CADPS: variants seen among roughly 807,000 people sequenced by gnomAD.
The protein encoded by CADPS is calcium dependent secretion activator.
In CADPS, 57 loss-of-function variants were observed where a neutral mutation model predicts 167.3. The observed-to-expected ratio is 0.34, with a 90% confidence interval of 0.28 to 0.42. The LOEUF is 0.42. CADPS is among the 20% of genes least tolerant of loss of function. CADPS has a pLI of 1.00. For synonymous variants in CADPS, 676 were observed against 635.3 expected, an observed-to-expected ratio of 1.06 and a Z score of -0.96; for missense variants, 1,414 against 1,738.1, an observed-to-expected ratio of 0.81 and a Z score of 3.32.
At position 62,875,134 on chromosome 3, in the gene CADPS, C is replaced by T. The variant is rs1034855534; in HGVS notation, c.-105G>A. 5 of 1,307,974 alleles carry T rather than the reference C, an allele frequency of 3.8e-6. No individual in the cohort carries two copies. The highest frequency in any genetic ancestry group is 4.9e-6 in the Non-Finnish European group (5 of 1,016,094). The allele number at this position is 1,307,974 out of a possible 1,614,324, so 81.0% of individuals were successfully genotyped here. ...TCAGCTCTCCCGGGTGGGCGCTTCT[C>T]CCCAGGTCAGGGAGCGAGAGCGCTG... On this transcript the variant is annotated 5_prime_UTR_variant, in exon 1 of 30. Transcript: ENST00000383710.
Position 62,737,425 on chromosome 3 carries a change from A to C in CADPS, c.888+16016T>G, listed in dbSNP as rs370083381. On this transcript the variant is annotated intron_variant, in intron 3 of 29. Coordinates refer to ENST00000383710, the MANE Select transcript of CADPS (RefSeq NM_003716.4). The stretch of plus-strand genomic sequence containing the variant: ...AGAGGCTGCAGTGAGCTGAGATTGC[A>C]CCACTGTAATCTAGCCTGGGCAACA... Among the ~76,000 whole-genome samples the C allele has an allele frequency of 3.4e-4, 52 of 151,944 alleles. No homozygotes were observed. In the South Asian group the frequency reaches 0.011, roughly 31 times the overall value.
At chr3:62,631,024 TAA>T (rs2065169575) in intron 6 of CADPS, among the ~76,000 whole-genome samples, 1 of 152,114 alleles carries the variant, frequency 6.6e-6, no homozygotes, top group South Asian at 2.1e-4. Flanking sequence ...AGTTTATTTT[TAA>T]AAAGAGACAA....
chr3:62,812,981 T>C (rs935240872), intron 1 of CADPS, among the ~76,000 whole-genome samples: 1 of 152,058 alleles, frequency 6.6e-6, no homozygotes, highest in Admixed American at 6.6e-5. Flanking sequence ...TAAACACAAA[T>C]GGAAAAATAT....
chr3:62,453,278 A>T (rs948247727), intron 26 of CADPS, among the ~76,000 whole-genome samples: 1 of 152,150 alleles, frequency 6.6e-6, no homozygotes. Context: ...AAAAATTATG[A>T]ATGTTTCTGT....
chr3:62,872,443 C>T (rs1322591414), intron 1 of CADPS, among the ~76,000 whole-genome samples: 1 of 152,112 alleles, frequency 6.6e-6, no homozygotes, highest in African/African-American at 2.4e-5. Flanking sequence ...TTTAGCTTCC[C>T]AGTATAGCCA....
chr3:62,448,677 G>A (rs532513141), intron 26 of CADPS, among the ~76,000 whole-genome samples: 3 of 151,932 alleles, frequency 2.0e-5, no homozygotes, highest in Admixed American at 1.3e-4. Flanking sequence ...GCAGTGGCGC[G>A]ATCTCGGCCC....
intron 13 of CADPS, among the ~76,000 whole-genome samples, chr3:62,522,637 C>A (rs952063165): frequency 6.6e-6 from 1 of 152,112 alleles, no homozygotes; most frequent in Admixed American, 6.5e-5. Flanking sequence ...ATATTGAACT[C>A]GATATAAGTT....
At chr3:62,824,610 T>G (rs904299117) in intron 1 of CADPS, among the ~76,000 whole-genome samples, 2 of 152,022 alleles carry the variant, frequency 1.3e-5, no homozygotes, top group Admixed American at 6.6e-5. Context: ...CAAACAAAAA[T>G]CCACAGTGGT....
intron 28 of CADPS, among the ~76,000 whole-genome samples, chr3:62,417,058 C>T (rs559116678): frequency 1.3e-5 from 2 of 151,974 alleles, no homozygotes; most frequent in South Asian, 4.2e-4. Flanking sequence ...GCTAAGCATA[C>T]ATTTTTCTAG....
Position 62,412,245 on chromosome 3 carries a change from A to G in CADPS, c.3778-9060T>C, listed in dbSNP as rs564508104. ...GCTATCAGTGCTGTGGCTTTTCAGG[A>G]TGGCCGGGTCCTAAAGTTTGGACGG... On this transcript the variant is annotated intron_variant, in intron 28 of 29. Transcript: ENST00000383710. The surrounding 1 kb of genome is among the most constrained non-coding windows in gnomAD (Gnocchi z 4.1). Among the ~76,000 whole-genome samples, 3 of 150,572 alleles carry G rather than the reference A, an allele frequency of 2.0e-5. No individual in the cohort carries two copies. In the East Asian group the frequency reaches 5.9e-4, roughly 30 times the overall value.
intron 11 of CADPS, among the ~76,000 whole-genome samples, chr3:62,548,511 T>A (rs777726025): frequency 1.3e-5 from 2 of 152,236 alleles, no homozygotes; most frequent in African/African-American, 2.4e-5. Context: ...GAATTTGTGA[T>A]CCAAAAGAAG....
intron 5 of CADPS, among the ~76,000 whole-genome samples, chr3:62,649,705 C>A (rs1186050164): frequency 6.6e-6 from 1 of 151,452 alleles, no homozygotes; most frequent in East Asian, 1.9e-4. Context: ...CACACCATCA[C>A]ACTCAGCTAA....
intron 3 of CADPS, among the ~76,000 whole-genome samples, chr3:62,733,845 C>T (rs2078436473): frequency 6.6e-6 from 1 of 152,142 alleles, no homozygotes; most frequent in Non-Finnish European, 1.5e-5. Flanking sequence ...TACCCCAACT[C>T]CTACCCTTCC....
chr3:62,405,115 G>A (rs927917824), intron 28 of CADPS, among the ~76,000 whole-genome samples: 1 of 121,856 alleles, frequency 8.2e-6, no homozygotes, highest in Admixed American at 9.0e-5. Context: ...CACATTTACT[G>A]GTTGTAGCTG....
intron 2 of CADPS, among the ~76,000 whole-genome samples, chr3:62,758,432 G>T (rs1477695483): frequency 6.6e-6 from 1 of 152,316 alleles, no homozygotes; most frequent in African/African-American, 2.4e-5. Flanking sequence ...GGTGGCAGCA[G>T]GAAACTATTT....
chr3:62,564,701 G>A (rs1352616452), intron 9 of CADPS, among the ~76,000 whole-genome samples: 1 of 151,490 alleles, frequency 6.6e-6, no homozygotes, highest in Non-Finnish European at 1.5e-5. Flanking sequence ...CCGCCTCCTA[G>A]GTTTAAGCGA....
intron 5 of CADPS, among the ~76,000 whole-genome samples, chr3:62,648,897 T>C (rs1265382821): frequency 6.6e-6 from 1 of 152,072 alleles, no homozygotes; most frequent in African/African-American, 2.4e-5. Flanking sequence ...AGAAAGTTTC[T>C]GTGAAATTAC....
chr3:62,613,621 C>A (rs999575888), intron 6 of CADPS, among the ~76,000 whole-genome samples: 4 of 152,100 alleles, frequency 2.6e-5, no homozygotes, highest in Non-Finnish European at 4.4e-5. Flanking sequence ...TGGAGGATAC[C>A]TTGACAAACC....
At chr3:62,740,766 C>T (rs1180947909) in intron 3 of CADPS, among the ~76,000 whole-genome samples, 2 of 152,172 alleles carry the variant, frequency 1.3e-5, no homozygotes, top group African/African-American at 4.8e-5. Context: ...TACTGAGTTC[C>T]TATCATGTGA....
Sources: gnomAD v4.1 joint callset for allele counts (sites outside exome capture counted in the v4.1 genomes callset) on GRCh38, gnomAD v4.1.1 for gene constraint, Gnocchi (gnomAD v3.1) non-coding constraint, MANE v1.5 for transcripts, NCBI Gene and HGNC (gene_info 2026-07-23, HGNC 2026-07-21) for gene names.